EDC3: variants seen among roughly 807,000 people sequenced by gnomAD.
The protein encoded by EDC3 is enhancer of mRNA-decapping protein 3.
A neutral mutation model predicts 41.8 loss-of-function variants in EDC3; 20 were observed. The ratio of observed to expected loss-of-function variants is 0.48; its 90% CI spans 0.34 to 0.70. The LOEUF is 0.70. Ranked by LOEUF, EDC3 falls within the 30% of genes least tolerant of loss-of-function variation. The pLI is 0.01. For synonymous variants in EDC3, 206 were observed against 243.2 expected (o/e 0.85, Z 1.42); for missense variants, 444 against 636.8 (o/e 0.70, Z 3.26).
At chr15:74,669,008 G>A (rs1375220606) in intron 3 of EDC3, among the ~76,000 whole-genome samples, 2 of 152,026 alleles carry the variant, frequency 1.3e-5, no homozygotes, top group African/African-American at 2.4e-5. Flanking sequence ...GGCCGAGGCA[G>A]GCAGATCAAC....
rs571644013 is a variant in EDC3, at chr15:74,673,709, G to A, written c.164+1252C>T. On this transcript the variant is annotated intron_variant, in intron 2 of 6. Transcript: ENST00000315127. ...AACAAAATTAGTCGGGCATGGTGGC[G>A]GGCACCTGCAGTCCCAGCTACTCGG... is the stretch of plus-strand genomic sequence containing the variant. Among the ~76,000 whole-genome samples, 55 of 152,060 alleles carry A rather than the reference G, an allele frequency of 3.6e-4. No individual in the cohort carries two copies. The East Asian group carries it at 3.7e-3, about 10-fold the overall frequency.
intron 3 of EDC3, among the ~76,000 whole-genome samples, chr15:74,659,488 AT>A (rs2062595810): frequency 6.0e-3 from 2 of 332 alleles, no homozygotes; most frequent in East Asian, 0.056. Flanking sequence ...AAAAATAGAA[AT>A]ATATATATAT....
Position 74,632,375 on chromosome 15 carries a change from A to G in EDC3, c.*237T>C, listed in dbSNP as rs1221996869. ...CCTGGCCGTGCAGGGGGCTGAGGGT[A>G]GAGATGCCTGGAGTTGCTGCACGCT... is the stretch of plus-strand genomic sequence containing the variant. On this transcript the variant is annotated 3_prime_UTR_variant, in exon 7 of 7. Transcript: ENST00000315127. This position sits in a 1 kb window ranked among gnomAD's most constrained non-coding sequence, Gnocchi z 4.0. 1 of 566,390 alleles carries G rather than the reference A, an allele frequency of 1.8e-6. No individual in the cohort carries two copies. 35.1% of individuals were successfully genotyped at this position (566,390 alleles called of 1,614,324 possible). A position where few individuals can be genotyped will look rare whatever the true frequency, so the allele number is the denominator to read the frequency against.
chr15:74,640,590 A>G lies in EDC3; in HGVS notation c.850T>C (p.Tyr284His), dbSNP rs753183030. The G allele has an allele frequency of 6.2e-7, 1 of 1,614,228 alleles. No individual in the cohort carries two copies. Among genetic ancestry groups the G allele is most frequent in the Admixed American group, 1.7e-5 (1 of 60,032 alleles). Reference protein sequence around the residue: ...DSGLVVPSISYELHKKLLSVA... With the variant: ...DSGLVVPSISHELHKKLLSVA... ...GACAACAGCTTTTTATGCAGCTCAT[A>G]GGAAATACTTGGGACAACCAGGCCA... Residue 284 changes from tyrosine to histidine, a missense_variant, in exon 5 of 7, where the codon TAT (tyrosine) becomes CAT (histidine). By Grantham distance (83) the Tyr-to-His change is moderately conservative. Transcript: ENST00000315127.
chr15:74,694,478 G>A (rs2063043229), intron 1 of EDC3, among the ~76,000 whole-genome samples: 1 of 152,094 alleles, frequency 6.6e-6, no homozygotes, highest in Non-Finnish European at 1.5e-5. Context: ...GCTAAGTTTT[G>A]TATTTTTAGT....
intron 4 of EDC3, among the ~76,000 whole-genome samples, chr15:74,649,853 G>C (rs2062460155): frequency 8.7e-6 from 1 of 114,450 alleles, no homozygotes; most frequent in South Asian, 3.5e-4. Context: ...TTGCAGGAGG[G>C]AAAAAAAGGG....
intron 1 of EDC3, among the ~76,000 whole-genome samples, chr15:74,681,622 T>C (rs559760047): frequency 6.6e-6 from 1 of 152,292 alleles, no homozygotes; most frequent in African/African-American, 2.4e-5. Context: ...CAACTGATTT[T>C]TGACAAAGTG....
chr15:74,689,863 T>A (rs1176226892), intron 1 of EDC3, among the ~76,000 whole-genome samples: 1 of 152,228 alleles, frequency 6.6e-6, no homozygotes, highest in East Asian at 1.9e-4. Context: ...AAGAATACTT[T>A]AATTCATTTA....
chr15:74,633,338 T>C (rs2062235553), intron 6 of EDC3, among the ~76,000 whole-genome samples: 1 of 152,228 alleles, frequency 6.6e-6, no homozygotes, highest in African/African-American at 2.4e-5. Flanking sequence ...ACTGTCAAGG[T>C]GGCCATCACA....
chr15:74,660,088 T>G (rs1178218122), intron 3 of EDC3, among the ~76,000 whole-genome samples: 1 of 150,416 alleles, frequency 6.6e-6, no homozygotes, highest in Non-Finnish European at 1.5e-5. Flanking sequence ...GAAATATGGA[T>G]GAGACTACTC....
intron 3 of EDC3, among the ~76,000 whole-genome samples, chr15:74,660,295 T>G (rs1376296953): frequency 1.3e-5 from 2 of 151,670 alleles, no homozygotes; most frequent in African/African-American, 2.4e-5. Flanking sequence ...TCCCAGCTAC[T>G]TGGGAGGCTG....
rs370914319 is a variant in EDC3 at position 74,684,958 on chromosome 15, G to A, written c.-18-9816C>T. 5.9e-5 allele frequency among the ~76,000 whole-genome samples: 9 copies of A among 152,132 alleles called. No individual in the cohort carries two copies. The East Asian group carries it at 9.7e-4, about 16-fold the overall frequency. ...ATGGTTAGTTCCATCCTGCCTTTCC[G>A]ACATCTGGTAAAACATGACCATCTC... On this transcript the variant is annotated intron_variant, in intron 1 of 6. Transcript: ENST00000315127.
intron 1 of EDC3, among the ~76,000 whole-genome samples, chr15:74,694,430 C>T (rs2063042519): frequency 6.6e-6 from 1 of 152,184 alleles, no homozygotes; most frequent in East Asian, 1.9e-4. Context: ...GCCTCAGCCT[C>T]CCAAATAGCT....
intron 3 of EDC3, among the ~76,000 whole-genome samples, chr15:74,658,311 T>C (rs1046471016): frequency 6.6e-6 from 1 of 152,118 alleles, no homozygotes; most frequent in Non-Finnish European, 1.5e-5. Flanking sequence ...CTAACTCTTC[T>C]CATTGCAACC....
At chr15:74,672,962 G>A (rs1281295496) in intron 2 of EDC3, among the ~76,000 whole-genome samples, 2 of 152,128 alleles carry the variant, frequency 1.3e-5, no homozygotes, top group Admixed American at 6.5e-5. Flanking sequence ...CAGGGGGAAT[G>A]AGTGGCTAAG....
chr15:74,689,251 C>G (rs896577482), intron 1 of EDC3, among the ~76,000 whole-genome samples: 1 of 152,148 alleles, frequency 6.6e-6, no homozygotes, highest in Non-Finnish European at 1.5e-5. Context: ...TACAACCCAC[C>G]ATACGTGAGT....
chr15:74,633,137 G>A (rs933374495), intron 6 of EDC3, among the ~76,000 whole-genome samples, 191 bp from the exon 7 acceptor site: 2 of 152,224 alleles, frequency 1.3e-5, no homozygotes, highest in Non-Finnish European at 2.9e-5. Context: ...TGGGCTGAGT[G>A]CTAGAGACCA....
intron 3 of EDC3, among the ~76,000 whole-genome samples, chr15:74,658,429 T>C (rs1160736312): frequency 6.6e-6 from 1 of 152,062 alleles, no homozygotes; most frequent in Non-Finnish European, 1.5e-5. Context: ...CTTAACTTCC[T>C]GTATATAGAA....
chr15:74,683,363 C>G (rs1368566413), intron 1 of EDC3, among the ~76,000 whole-genome samples: 1 of 152,084 alleles, frequency 6.6e-6, no homozygotes, highest in Non-Finnish European at 1.5e-5. Context: ...GGCGAAGCCT[C>G]GTCTCTACCA....
Sources: allele counts gnomAD v4.1 joint callset (sites outside exome capture counted in the v4.1 genomes callset), GRCh38; gene constraint gnomAD v4.1.1; non-coding constraint Gnocchi (gnomAD v3.1); transcripts MANE v1.5; gene names NCBI Gene and HGNC (gene_info 2026-07-23, HGNC 2026-07-21).